Variants in ABTB3 observed in about 807,000 individuals in gnomAD.
The protein encoded by ABTB3 is ankyrin repeat- and BTB/POZ domain-containing protein 3.
At chr12:107,585,200 C>G in the ABTB3 span, among the ~76,000 whole-genome samples, 1 of 152,116 alleles carries the variant, frequency 6.6e-6, no homozygotes, top group Non-Finnish European at 1.5e-5. Flanking sequence ...TAAGTCCTCT[C>G]TTAGCTGATA....
chr12:107,654,836 A>ACACACACACGCG, the ABTB3 span, among the ~76,000 whole-genome samples: 1 of 148,126 alleles, frequency 6.8e-6, no homozygotes, highest in Non-Finnish European at 1.5e-5. Flanking sequence ...ACACACACAC[A>ACACACACACGCG]CACACACACA....
the ABTB3 span, among the ~76,000 whole-genome samples, chr12:107,469,925 TCTCTCTC>T: frequency 1.9e-3 from 219 of 112,418 alleles, 2 homozygotes; most frequent in African/African-American, 4.5e-3. Flanking sequence ...TTTCTTTCTC[TCTCTCTC>T]TCTTTCTTTC....
At chr12:107,591,556 C>T in the ABTB3 span, among the ~76,000 whole-genome samples, 1 of 152,190 alleles carries the variant, frequency 6.6e-6, no homozygotes, top group Non-Finnish European at 1.5e-5. Flanking sequence ...CCAATCACCT[C>T]TCACCAGGCC....
At chr12:107,482,989 C>CT in the ABTB3 span, among the ~76,000 whole-genome samples, 381 of 17,200 alleles carry the variant, frequency 0.022, 11 homozygotes, top group East Asian at 0.065. Flanking sequence ...TCTTTCTTTC[C>CT]TTCCTTCCTT....
chr12:107,467,970 C>G, the ABTB3 span, among the ~76,000 whole-genome samples: 1 of 148,874 alleles, frequency 6.7e-6, no homozygotes, highest in African/African-American at 2.6e-5. Context: ...GCCCCCCTCT[C>G]CCCATGTGCA....
At chr12:107,482,972 C>A in the ABTB3 span, among the ~76,000 whole-genome samples, 1 of 59,080 alleles carries the variant, frequency 1.7e-5, no homozygotes, top group Non-Finnish European at 3.3e-5. Flanking sequence ...TTCTTTCTTT[C>A]TTTCTTTCTT....
chr12:107,410,329 G>C, the ABTB3 span, among the ~76,000 whole-genome samples: 33 of 152,134 alleles, frequency 2.2e-4, no homozygotes, highest in African/African-American at 7.0e-4. Flanking sequence ...GCTGTGTGGT[G>C]TGTTTAGGAG....
chr12:107,365,515 C>T, the ABTB3 span, among the ~76,000 whole-genome samples: 1 of 152,232 alleles, frequency 6.6e-6, no homozygotes, highest in Admixed American at 6.5e-5. Context: ...ATTTGGGTAT[C>T]TTCTTCAACT....
At chr12:107,452,627 G>A in the ABTB3 span, among the ~76,000 whole-genome samples, 2,790 of 152,194 alleles carry the variant, frequency 0.018, 40 homozygotes, top group Non-Finnish European at 0.023. Context: ...ATCACCTGAG[G>A]TCAGGAGTTC....
chr12:107,499,345 A>G, the ABTB3 span, among the ~76,000 whole-genome samples: 1 of 148,466 alleles, frequency 6.7e-6, no homozygotes, highest in South Asian at 2.1e-4. Context: ...ACACAGAGAG[A>G]CACACAAAGA....
the ABTB3 span, chr12:107,635,273 T>C: frequency 1.2e-6 from 2 of 1,611,846 alleles, no homozygotes; most frequent in East Asian, 2.2e-5. Flanking sequence ...ACCTCCTCTT[T>C]CTTTTCTGCA....
the ABTB3 span, among the ~76,000 whole-genome samples, chr12:107,596,604 G>A: frequency 2.0e-5 from 3 of 152,138 alleles, no homozygotes; most frequent in East Asian, 5.8e-4. Flanking sequence ...GACAGAGCAA[G>A]ACACCATCTC....
the ABTB3 span, among the ~76,000 whole-genome samples, chr12:107,448,638 T>C: frequency 1.4e-4 from 20 of 144,270 alleles, no homozygotes; most frequent in Non-Finnish European, 2.5e-4. Flanking sequence ...TCTTTCTTTC[T>C]TTCTTTCTTT....
the ABTB3 span, among the ~76,000 whole-genome samples, chr12:107,442,035 C>T: frequency 2.2e-4 from 33 of 152,204 alleles, no homozygotes; most frequent in East Asian, 3.5e-3. Flanking sequence ...CCCAGAGACG[C>T]GATTTTAGTA....
the ABTB3 span, among the ~76,000 whole-genome samples, chr12:107,609,803 C>G: frequency 1.3e-5 from 2 of 152,204 alleles, no homozygotes; most frequent in Admixed American, 1.3e-4. Flanking sequence ...TAGCCTTGGG[C>G]AGGGCCCTTA....
chr12:107,546,248 T>A, the ABTB3 span, among the ~76,000 whole-genome samples: 6 of 152,220 alleles, frequency 3.9e-5, no homozygotes, highest in African/African-American at 1.4e-4. Context: ...AATGAAAGAA[T>A]GAGCAAACCT....
chr12:107,332,671 T>C, the ABTB3 span, among the ~76,000 whole-genome samples: 8 of 152,092 alleles, frequency 5.3e-5, no homozygotes, highest in African/African-American at 1.7e-4. Context: ...ACTGTGTGGC[T>C]AGTAGCAGCA....
At chr12:107,592,767 G>C in the ABTB3 span, among the ~76,000 whole-genome samples, 1 of 152,142 alleles carries the variant, frequency 6.6e-6, no homozygotes, top group Non-Finnish European at 1.5e-5. Flanking sequence ...CAGGAGAGAG[G>C]GTACTCAGAA....
At chr12:107,492,358 C>T in the ABTB3 span, among the ~76,000 whole-genome samples, 1 of 152,182 alleles carries the variant, frequency 6.6e-6, no homozygotes, top group Non-Finnish European at 1.5e-5. Context: ...TGCCACACCC[C>T]TCTGTGCTAG....
Sources: allele counts gnomAD v4.1 joint callset (sites outside exome capture counted in the v4.1 genomes callset), GRCh38; gene constraint gnomAD v4.1.1; transcripts MANE v1.5; gene names NCBI Gene and HGNC (gene_info 2026-07-23, HGNC 2026-07-21).